ANKDD1A: variants seen among roughly 807,000 people sequenced by gnomAD.
The protein encoded by ANKDD1A is ankyrin repeat and death domain containing 1A.
A neutral mutation model predicts 63.5 loss-of-function variants in ANKDD1A; 59 were observed. The observed-to-expected ratio is 0.93, with a 90% CI of 0.75 to 1.15. The LOEUF (loss-of-function observed/expected upper bound fraction) is 1.15. Ranked by LOEUF, ANKDD1A falls within the 50% of genes most tolerant of loss-of-function variation. ANKDD1A has a pLI of 0.00. For missense variants in ANKDD1A, 632 were observed against 656.4 expected (o/e 0.96, Z 0.41); for synonymous variants, 266 against 263.9 (o/e 1.01, Z -0.08).
chr15:64,937,479 A>G (rs2085143436), intron 9 of ANKDD1A, among the ~76,000 whole-genome samples: 1 of 152,194 alleles, frequency 6.6e-6, no homozygotes, highest in African/African-American at 2.4e-5. Context: ...CTGTAATCCC[A>G]GCACTTTGGG....
chr15:64,958,509 A>T lies in ANKDD1A; in HGVS notation c.*1321A>T, dbSNP rs903129619. ...AAAGTCTGTGAAAAAAAACAAAAGTAAAGTTATAAAAGGAAAAGAAAACAG... is the reference window on the plus strand; with the variant it reads ...AAAGTCTGTGAAAAAAAACAAAAGTTAAGTTATAAAAGGAAAAGAAAACAG... On this transcript the variant is annotated 3_prime_UTR_variant, in exon 15 of 15. Coordinates refer to ENST00000319580, the MANE Select transcript of ANKDD1A (RefSeq NM_182703.6). 1.3e-5 allele frequency: 2 copies of T among 152,202 alleles called. No individual in the cohort carries two copies. Among genetic ancestry groups the T allele is most frequent in the Non-Finnish European group, 2.9e-5 (2 of 68,036 alleles). 9.4% of individuals were successfully genotyped at this position (152,202 alleles called of 1,614,324 possible).
rs557727515 is a variant in ANKDD1A, at chr15:64,953,889, CCT to C, written c.1484-3211_1484-3210del. 2.6e-5 allele frequency among the ~76,000 whole-genome samples: 3 copies of C among 115,122 alleles called. No homozygotes were observed. In the South Asian group the frequency reaches 9.1e-4, roughly 35 times the overall value. The allele number at this position is 115,122 out of a possible 152,430, so 75.5% of individuals were successfully genotyped here. A position where few individuals can be genotyped will look rare whatever the true frequency, so the allele number is the denominator to read the frequency against. On this transcript the variant is annotated intron_variant, in intron 14 of 14. Transcript: ENST00000319580. The stretch of plus-strand genomic sequence containing the variant: ...TCTTTCTTCTTCATTCTTTCTTCTT[CCT>C]CTTTTCTTTCTTCCCTCTTCTTTCT...
chr15:64,922,302 A>C, intron 4 of ANKDD1A: 2 of 401,038 alleles, frequency 5.0e-6, no homozygotes, highest in South Asian at 2.9e-5. Flanking sequence ...GGTCTCCTCC[A>C]CCCTCCTGCC....
chr15:64,942,049 T>C (rs905715805), intron 9 of ANKDD1A, among the ~76,000 whole-genome samples: 2 of 152,174 alleles, frequency 1.3e-5, no homozygotes, highest in Non-Finnish European at 2.9e-5. Flanking sequence ...GTTTGTAAGA[T>C]GAAGATACTA....
chr15:64,923,653 T>A (rs1029503807), intron 4 of ANKDD1A, among the ~76,000 whole-genome samples: 1 of 152,178 alleles, frequency 6.6e-6, no homozygotes, highest in Admixed American at 6.5e-5. Context: ...CAGAGAACCA[T>A]GCCCCTATGT....
chr15:64,912,154 G>A (rs999664906), intron 1 of ANKDD1A, among the ~76,000 whole-genome samples, 190 bp downstream of exon 1: 19 of 152,194 alleles, frequency 1.2e-4, no homozygotes, highest in South Asian at 4.1e-4. Context: ...GTGCGTCTGG[G>A]ACTCGGGGAC....
At chr15:64,951,384 T>A in intron 14 of ANKDD1A, 1 of 344,900 alleles carries the variant, frequency 2.9e-6, no homozygotes, top group Non-Finnish European at 3.9e-6. Flanking sequence ...TTTCTTTTTC[T>A]TTTCTTCTTC....
chr15:64,938,661 G>A (rs2085155063), intron 9 of ANKDD1A, among the ~76,000 whole-genome samples: 1 of 152,194 alleles, frequency 6.6e-6, no homozygotes, highest in South Asian at 2.1e-4. Context: ...ATATTCGGTA[G>A]AAACTAAGGG....
intron 3 of ANKDD1A, among the ~76,000 whole-genome samples, chr15:64,921,555 A>G (rs1203148139): frequency 1.3e-5 from 2 of 151,938 alleles, no homozygotes; most frequent in African/African-American, 2.4e-5. Flanking sequence ...TTCTATTTTT[A>G]GTAGAGACGG....
In ANKDD1A at chr15:64,954,703, CCTT is replaced by C. The variant is rs535622182; in HGVS notation, c.1484-2391_1484-2389del. Among the ~76,000 whole-genome samples the C allele has an allele frequency of 2.4e-4, 34 of 138,884 alleles. 1 individual carries two copies. The highest frequency in any genetic ancestry group is 9.1e-4 in the African/African-American group (33 of 36,094). The allele number at this position is 138,884 out of a possible 152,430, so 91.1% of individuals were successfully genotyped here. A position where few individuals can be genotyped will look rare whatever the true frequency, so the allele number is the denominator to read the frequency against. On this transcript the variant is annotated intron_variant, in intron 14 of 14. Transcript: ENST00000319580. ...CTTCTCTCCTTCTCCTTGTTCTTCT[CCTT>C]CTTCTTCTCCTTCTCCTCCTCCTTC...
intron 14 of ANKDD1A, among the ~76,000 whole-genome samples, chr15:64,952,973 T>TTTTC (rs374431839): frequency 6.0e-5 from 7 of 116,534 alleles, no homozygotes; most frequent in East Asian, 2.2e-4. Flanking sequence ...TCTTCTTTTC[T>TTTTC]TCTTGTCTCT....
chr15:64,952,884 TC>T (rs2085323931), intron 14 of ANKDD1A, among the ~76,000 whole-genome samples: 7 of 118,342 alleles, frequency 5.9e-5, no homozygotes, highest in Non-Finnish European at 9.4e-5. Context: ...TTTCTTCTTC[TC>T]CTTCTTCCTT....
Position 64,947,721 on chromosome 15 carries a change from C to T in ANKDD1A, c.1351+128C>T, listed in dbSNP as rs1465691948. 5 of 1,127,990 alleles carry T rather than the reference C, an allele frequency of 4.4e-6. No individual in the cohort carries two copies. The African/African-American group carries it at 6.2e-5, about 14-fold the overall frequency. 69.9% of individuals were successfully genotyped at this position (1,127,990 alleles called of 1,614,324 possible). On this transcript the variant is annotated intron_variant, in intron 13 of 14. Coordinates refer to ENST00000319580, the MANE Select transcript of ANKDD1A (RefSeq NM_182703.6). ...ACCCACAGCCTGGTCCCACACTGTC[C>T]AACACACCTGGTGCTCTGTCCCTCC...
chr15:64,921,737 C>T (rs2085007891), intron 3 of ANKDD1A, among the ~76,000 whole-genome samples, 184 bp from the exon 4 acceptor site: 1 of 150,536 alleles, frequency 6.6e-6, no homozygotes, highest in Non-Finnish European at 1.5e-5. Context: ...TGCAATAGTA[C>T]ATCAGCCTCT....
intron 10 of ANKDD1A, 180 bp from the exon 11 acceptor site, chr15:64,943,302 AAT>A (rs2085198635): frequency 3.3e-6 from 2 of 607,534 alleles, no homozygotes; most frequent in African/African-American, 3.7e-5. Flanking sequence ...GGGGTAAAAA[AAT>A]TAAGATGTAA....
intron 6 of ANKDD1A, among the ~76,000 whole-genome samples, chr15:64,930,411 C>T (rs777154559): frequency 1.1e-4 from 16 of 152,066 alleles, no homozygotes; most frequent in Admixed American, 2.6e-4. Context: ...CAGTGTGGCC[C>T]GGGCAGGCCA....
intron 14 of ANKDD1A, chr15:64,950,797 A>G (rs1435860859): frequency 1.0e-6 from 1 of 1,004,712 alleles, no homozygotes; most frequent in African/African-American, 1.9e-5. Context: ...ATTTCAGGGT[A>G]GAGAGATTAG....
intron 14 of ANKDD1A, among the ~76,000 whole-genome samples, chr15:64,953,791 CTTTCTTCTTCCTTTT>C (rs1234229127): frequency 1.3e-5 from 1 of 77,988 alleles, no homozygotes; most frequent in South Asian, 4.1e-4. Context: ...CTTTCTTCTG[CTTTCTTCTTCCTTTT>C]TTTCTTCTTC....
chr15:64,953,047 CCT>C (rs1321043652), intron 14 of ANKDD1A, among the ~76,000 whole-genome samples: 440 of 20,474 alleles, frequency 0.021, 2 homozygotes, highest in East Asian at 0.13. Flanking sequence ...TTTCTTCTTT[CCT>C]CTCTTTTTTC....
Sources: allele counts gnomAD v4.1 joint callset (sites outside exome capture counted in the v4.1 genomes callset), GRCh38; gene constraint gnomAD v4.1.1; transcripts MANE v1.5; gene names NCBI Gene and HGNC (gene_info 2026-07-23, HGNC 2026-07-21).